The following UBE3B variants were observed in gnomAD, a reference collection of about 807,000 sequenced individuals.
UBE3B encodes the protein ubiquitin-protein ligase E3B.
In UBE3B, 80 loss-of-function variants were observed where a neutral mutation model predicts 132.3. That is an observed-to-expected ratio of 0.60 (90% confidence interval 0.50 to 0.73). The LOEUF (loss-of-function observed/expected upper bound fraction) is 0.73, where lower values mean the gene tolerates loss of function less well. Among genes scored for constraint, UBE3B ranks in the 30% least tolerant of loss-of-function variants. UBE3B has a pLI of 0.00. For synonymous variants in UBE3B, 487 were observed against 520.4 expected, an observed-to-expected ratio of 0.94 and a Z score of 0.87; for missense variants, 1,196 against 1,362.5, an observed-to-expected ratio of 0.88 and a Z score of 1.92.
Position 109,534,210 on chromosome 12 carries a change from G to A in UBE3B, c.3016-381G>A. 1 of 1,241,226 alleles carries A rather than the reference G, an allele frequency of 8.1e-7. No individual in the cohort carries two copies. The highest frequency in any genetic ancestry group is 1.0e-6 in the Non-Finnish European group (1 of 974,242). The allele number at this position is 1,241,226 out of a possible 1,614,324, so 76.9% of individuals were successfully genotyped here. On this transcript the variant is annotated intron_variant, in intron 27 of 27. Coordinates refer to ENST00000342494, the MANE Select transcript of UBE3B (RefSeq NM_130466.4). The surrounding 1 kb of genome is among the most constrained non-coding windows in gnomAD (Gnocchi z 5.2). ...TAAGGGAAAGTTGGCCCAAGTCATG[G>A]TCTGCCACCGGCCACAGCACCGGTG...
rs1000821327 is a variant in UBE3B, at chr12:109,507,490, C to T, written c.1451-74C>T. ...TGGATAGGTTTAAGTGTTTTGTTTC[C>T]CCACTGGATAGGAGAAATAACAGAC... is the stretch of plus-strand genomic sequence containing the variant. On this transcript the variant is annotated intron_variant, in intron 14 of 27. Transcript: ENST00000342494. The T allele has an allele frequency of 2.7e-6, 4 of 1,490,382 alleles. No individual in the cohort carries two copies. The African/African-American group carries it at 5.6e-5, about 21-fold the overall frequency. The allele number at this position is 1,490,382 out of a possible 1,614,324, so 92.3% of individuals were successfully genotyped here. A position where few individuals can be genotyped will look rare whatever the true frequency, so the allele number is the denominator to read the frequency against.
chr12:109,478,672 T>G (rs1200238603), intron 1 of UBE3B, among the ~76,000 whole-genome samples: 3 of 152,086 alleles, frequency 2.0e-5, no homozygotes, highest in Non-Finnish European at 4.4e-5. Context: ...TCCCAGCGAC[T>G]TGGGAGGCTG....
chr12:109,523,837 T>C, intron 21 of UBE3B, 141 bp from the exon 22 acceptor site: 1 of 1,189,222 alleles, frequency 8.4e-7, no homozygotes, highest in Non-Finnish European at 1.2e-6. Flanking sequence ...GGGGAGATAC[T>C]GCCCTCCGGA....
chr12:109,544,401 A>G, the UBE3B span, among the ~76,000 whole-genome samples: 1 of 151,874 alleles, frequency 6.6e-6, no homozygotes, highest in Non-Finnish European at 1.5e-5. Context: ...GGGCTTCTCC[A>G]TGAGGCCAAA....
At chr12:109,538,436 C>A (rs1883532269), downstream of UBE3B, among the ~76,000 whole-genome samples, 1 of 152,212 alleles carries the variant, frequency 6.6e-6, no homozygotes, top group Non-Finnish European at 1.5e-5. The surrounding 1 kb of genome is among the most constrained non-coding windows in gnomAD (Gnocchi z 4.1). Flanking sequence ...CAACCCTCCA[C>A]TTCCTGCCCC....
chr12:109,492,177 T>C (rs1877555571), intron 9 of UBE3B: 1 of 152,240 alleles, frequency 6.6e-6, no homozygotes, highest in Non-Finnish European at 1.5e-5. Flanking sequence ...GGCCATAGTT[T>C]ATAAACACCT....
chr12:109,497,726 T>C, intron 9 of UBE3B, 92 bp from the exon 10 acceptor site: 2 of 1,283,752 alleles, frequency 1.6e-6, no homozygotes, highest in South Asian at 2.5e-5. Context: ...CGCAGAATAA[T>C]TTCTAGGAAT....
At chr12:109,484,860 G>A (rs1004394829) in intron 4 of UBE3B, among the ~76,000 whole-genome samples, 6 of 151,946 alleles carry the variant, frequency 3.9e-5, no homozygotes, top group East Asian at 1.9e-4. Flanking sequence ...AGTCTCAAAC[G>A]ATTCTTCTGC....
chr12:109,506,408 G>A (rs527374076), intron 14 of UBE3B, among the ~76,000 whole-genome samples: 2 of 152,346 alleles, frequency 1.3e-5, no homozygotes, highest in East Asian at 1.9e-4. Context: ...GAGTGCAGTG[G>A]TGCGATCTCG....
At position 109,521,615 on chromosome 12, in the gene UBE3B, C is replaced by T. The variant is rs1335776901; in HGVS notation, c.2364+64C>T. ...GTTAACGGTACCATGGGCTTCTTCA[C>T]ATACACATATGTGATCAGGCTTGGC... On this transcript the variant is annotated intron_variant, in intron 21 of 27. Transcript: ENST00000342494. This position sits in a 1 kb window ranked among gnomAD's most constrained non-coding sequence, Gnocchi z 4.2. 8 of 1,416,112 alleles carry T rather than the reference C, an allele frequency of 5.6e-6. No homozygotes were observed. The highest frequency in any genetic ancestry group is 4.5e-5 in the Admixed American group (2 of 44,800). The allele number at this position is 1,416,112 out of a possible 1,614,324, so 87.7% of individuals were successfully genotyped here.
rs556933777 is a variant in UBE3B, at chr12:109,524,067, A to C, written c.2454A>C (p.Glu818Asp). ...HHSVFYSSVDELPSLDSEFYK... is the reference protein window; with the variant it reads ...HHSVFYSSVDDLPSLDSEFYK... ...GCGTCTTCTATAGCTCGGTGGATGAACTGCCTTCTCTGGACTCCGAGTTCT... is the reference window on the plus strand; with the variant it reads ...GCGTCTTCTATAGCTCGGTGGATGACCTGCCTTCTCTGGACTCCGAGTTCT... Residue 818 changes from glutamate to aspartate, a missense_variant, in exon 22 of 28, where the codon GAA (glutamate) becomes GAC (aspartate). Physicochemically the swap from Glu to Asp is conservative, Grantham distance 45. Coordinates refer to ENST00000342494, the MANE Select transcript of UBE3B (RefSeq NM_130466.4). 1 of 1,614,152 alleles carries C rather than the reference A, an allele frequency of 6.2e-7. No homozygotes were observed. The highest frequency in any genetic ancestry group is 1.3e-5 in the African/African-American group (1 of 75,038).
downstream of UBE3B, among the ~76,000 whole-genome samples, chr12:109,540,068 C>A (rs990940707): frequency 2.6e-5 from 4 of 151,982 alleles, no homozygotes; most frequent in African/African-American, 9.7e-5. Context: ...TGCCCTGCCT[C>A]CTTGACCCCA....
intron 16 of UBE3B, 124 bp downstream of exon 16, chr12:109,509,838 T>A: frequency 1.6e-6 from 1 of 641,734 alleles, no homozygotes; most frequent in East Asian, 2.7e-5. Context: ...GCACATTTAT[T>A]CCCACAATTG....
rs188080323 is a variant in UBE3B, at chr12:109,487,949, C to T, written c.448-623C>T. 9.7e-4 allele frequency among the ~76,000 whole-genome samples: 147 copies of T among 152,286 alleles called. 1 individual carries two copies. Among genetic ancestry groups the T allele is most frequent in the African/African-American group, 3.4e-3 (141 of 41,552 alleles). ...CTGTGGGCCTAGAAAGCAGTCAGGC[C>T]TTTTGCTTGACTTACACTTGGTGAA... On this transcript the variant is annotated intron_variant, in intron 6 of 27. Coordinates refer to ENST00000342494, the MANE Select transcript of UBE3B (RefSeq NM_130466.4).
At chr12:109,516,042 C>T (rs962793817) in intron 18 of UBE3B, among the ~76,000 whole-genome samples, 1 of 151,792 alleles carries the variant, frequency 6.6e-6, no homozygotes, top group Non-Finnish European at 1.5e-5. Flanking sequence ...TCTTAGGATT[C>T]ATAATATTGA....
downstream of UBE3B, among the ~76,000 whole-genome samples, chr12:109,537,777 T>C (rs988521641): frequency 2.0e-4 from 30 of 152,270 alleles, no homozygotes; most frequent in African/African-American, 7.2e-4. Context: ...CGATCTCAGC[T>C]CACTGCAGGC....
intron 23 of UBE3B, 41 bp from the exon 24 acceptor site, chr12:109,526,317 T>C (rs1017431065): frequency 3.1e-6 from 5 of 1,605,552 alleles, no homozygotes; most frequent in Admixed American, 3.3e-5. Flanking sequence ...TATTTCCCCA[T>C]TAGAGTCCTC....
intron 24 of UBE3B, chr12:109,528,342 C>T (rs1882584241): frequency 1.0e-6 from 1 of 985,166 alleles, no homozygotes; most frequent in Non-Finnish European, 1.2e-6. Context: ...GAGCAGTACT[C>T]GTCACCTGCT....
chr12:109,538,319 T>C (rs942070567), downstream of UBE3B, among the ~76,000 whole-genome samples: 3 of 152,154 alleles, frequency 2.0e-5, no homozygotes, highest in East Asian at 1.9e-4. The surrounding 1 kb of genome is among the most constrained non-coding windows in gnomAD (Gnocchi z 4.1). Context: ...TGGAAACTTA[T>C]CAAATTGGCC....
Sources: gnomAD v4.1 joint callset for allele counts (sites outside exome capture counted in the v4.1 genomes callset) on GRCh38, gnomAD v4.1.1 for gene constraint, Gnocchi (gnomAD v3.1) non-coding constraint, MANE v1.5 for transcripts, NCBI Gene and HGNC (gene_info 2026-07-23, HGNC 2026-07-21) for gene names.